Variants in AHNAK observed in about 807,000 individuals in gnomAD.
AHNAK encodes AHNAK nucleoprotein.
AHNAK carries 23 observed loss-of-function variants against 37.8 expected under a neutral mutation model. The ratio of observed to expected loss-of-function variants is 0.61; its 90% CI spans 0.44 to 0.86. AHNAK has a LOEUF of 0.86. Among genes scored for constraint, AHNAK ranks in the 40% least tolerant of loss-of-function variants. AHNAK has a pLI of 0.00. For missense variants in AHNAK, 7,411 were observed against 7,319.4 expected, an observed-to-expected ratio of 1.01 and a Z score of -0.46; for synonymous variants, 2,481 against 2,636.3, an observed-to-expected ratio of 0.94 and a Z score of 1.80.
Position 62,481,671 on chromosome 11 carries a change from G to A in AHNAK, c.442+10061C>T, listed in dbSNP as rs566835426. 1.9e-4 allele frequency among the ~76,000 whole-genome samples: 6 copies of A among 32,122 alleles called. No individual in the cohort carries two copies. In the East Asian group the frequency reaches 4.0e-3, roughly 21 times the overall value. The allele number at this position is 32,122 out of a possible 152,430, so 21.1% of individuals were successfully genotyped here. ...TGGCTCACTGCAAGCTCCGCCTCCC[G>A]GGTTTATGCCATTCTCCTGCCTCAG... On this transcript the variant is annotated intron_variant, in intron 5 of 5. Coordinates refer to the AHNAK transcript ENST00000257247.
intron 4 of AHNAK, among the ~76,000 whole-genome samples, chr11:62,499,223 T>A (rs1939669161): frequency 6.6e-6 from 1 of 152,126 alleles, no homozygotes; most frequent in South Asian, 2.1e-4. Context: ...ACCCATAGCA[T>A]CCGACTGGCC....
Position 62,524,696 on chromosome 11 carries a change from G to T in AHNAK, c.9721C>A (p.Leu3241Ile). 1 of 1,614,224 alleles carries T rather than the reference G, an allele frequency of 6.2e-7. No individual in the cohort carries two copies. Among genetic ancestry groups the T allele is most frequent in the Non-Finnish European group, 8.5e-7 (1 of 1,180,042 alleles). ...TTCAAATCACCTTCTACATTTGCAA[G>T]TGAAACATCCACCTCTCCTTTCATT... ...PKMKGEVDVSLANVEGDLKGP... is the reference protein window; with the variant it reads ...PKMKGEVDVSIANVEGDLKGP... Residue 3241 changes from leucine (L) to isoleucine (I), a missense_variant, in exon 5 of 5, where the codon CTT becomes ATT. Transcript: ENST00000378024.
chr11:62,529,451 G>T lies in AHNAK; in HGVS notation c.4966C>A (p.Pro1656Thr). The T allele has an allele frequency of 6.2e-7, 1 of 1,613,998 alleles. No individual in the cohort carries two copies. ...MHFKAPKISMPDVDLHLKGPK... is the reference protein window; with the variant it reads ...MHFKAPKISMTDVDLHLKGPK... ...CCTTTCAAGTGTAAGTCCACATCGG[G>T]CATGGAGATCTTGGGGGCCTTGAAA... Residue 1656 changes from proline (P) to threonine (T), a missense_variant, in exon 5 of 5, where the codon CCC becomes ACC. Transcript: ENST00000378024.
intron 4 of AHNAK, among the ~76,000 whole-genome samples, chr11:62,499,330 C>CCTGAGGT (rs2134172722): frequency 6.6e-6 from 1 of 152,274 alleles, no homozygotes; most frequent in Admixed American, 6.5e-5. Context: ...GGGTGGATCA[C>CCTGAGGT]CTGAGGTCGG....
At chr11:62,486,409 G>A (rs563669961) in intron 5 of AHNAK, among the ~76,000 whole-genome samples, 32 of 152,042 alleles carry the variant, frequency 2.1e-4, no homozygotes, top group African/African-American at 6.8e-4. Flanking sequence ...GGAGGCGGAC[G>A]TTGCGGTGAG....
In AHNAK at chr11:62,528,796, T is replaced by C. The variant is rs867984742; in HGVS notation, c.5621A>G (p.Asp1874Gly). The C allele has an allele frequency of 6.2e-7, 1 of 1,612,284 alleles. No individual in the cohort carries two copies. Among genetic ancestry groups the C allele is most frequent in the Non-Finnish European group, 8.5e-7 (1 of 1,179,548 alleles). The change falls in exon 5 of 5, where the codon GAT becomes GGT. Residue 1874 changes from aspartate to glycine, a missense_variant. Coordinates refer to ENST00000378024, the MANE Select transcript of AHNAK (RefSeq NM_001620.3). ...LKGPKVKGDA[D>G]VSVPKLEGDL... ...TCCCTCCAATTTTGGCACCGACACA[T>C]CCGCATCCCCTTTGACTTTGGGGCC... is the stretch of plus-strand genomic sequence containing the variant.
In AHNAK at chr11:62,528,636, C is replaced by T; in HGVS notation, c.5781G>A (p.Val1927=). ...FKAPKISMPD[V]DLHLKGPKVK... ...CTTTGGGGCCTTTCAAGTGTAAGTC[C>T]ACATCAGGCATGGAGATCTTGGGGG... The change falls in exon 5 of 5, where the codon GTG becomes GTA. Residue 1927 remains valine (V), a synonymous_variant. Transcript: ENST00000378024. 4 of 1,610,052 alleles carry T rather than the reference C, an allele frequency of 2.5e-6. No homozygotes were observed. Among genetic ancestry groups the T allele is most frequent in the Non-Finnish European group, 3.4e-6 (4 of 1,179,206 alleles).
rs1359673505 is a variant in AHNAK, at chr11:62,521,456, T to C, written c.12961A>G (p.Met4321Val). Residue 4321 changes from methionine (M) to valine (V), a missense_variant, in exon 5 of 5, where the codon ATG (methionine) becomes GTG (valine). Met to Val is a conservative substitution (Grantham distance 21, BLOSUM62 1). Coordinates refer to ENST00000378024, the MANE Select transcript of AHNAK (RefSeq NM_001620.3). The stretch of plus-strand genomic sequence containing the variant: ...AATCCTGGCATGCTGAATTTGGGCA[T>C]TTTCACCTTGGGCATCTTCAGGTGC... ...DWHLKMPKVK[M>V]PKFSMPGFKG... 6.2e-7 allele frequency: 1 copy of C among 1,613,242 alleles called. No homozygotes were observed.
In AHNAK at chr11:62,525,020, C is replaced by T. The variant is rs150868561; in HGVS notation, c.9397G>A (p.Asp3133Asn). Residue 3133 changes from aspartate (D) to asparagine (N), a missense_variant, in exon 5 of 5, where the codon GAT (aspartate) becomes AAT (asparagine). Physicochemically the swap from Asp to Asn is conservative, Grantham distance 23 (BLOSUM62 1). Coordinates refer to ENST00000378024, the MANE Select transcript of AHNAK (RefSeq NM_001620.3). ...PDVDIKGPKV[D>N]INAPDVDVQG... ...ACATCCACATCTGGGGCATTAATAT[C>T]CACTTTGGGGCCTTTAATATCCACG... 5.5e-5 allele frequency: 89 copies of T among 1,613,154 alleles called. No homozygotes were observed. The African/African-American group carries it at 1.1e-3, about 20-fold the overall frequency.
Position 62,522,647 on chromosome 11 carries a change from G to A in AHNAK, c.11770C>T (p.Arg3924Ter), listed in dbSNP as rs866059259. The A allele has an allele frequency of 1.2e-6, 2 of 1,612,934 alleles. No homozygotes were observed. The highest frequency in any genetic ancestry group is 1.1e-5 in the South Asian group (1 of 91,028). ...ATCTTCAGGTGCCAGTCTGGGCCTC[G>A]AACATCCACATCTGGGGCATTAATA... Reference protein sequence around the residue: ...VDINAPDVDVRGPDWHLKMPK... With the variant: ...VDINAPDVDV The change falls in exon 5 of 5, where the codon CGA becomes TGA. Residue 3924 changes from arginine (R) to a stop codon, truncating the protein, a stop_gained. Transcript: ENST00000378024. LOFTEE classifies it low-confidence loss of function (END_TRUNC).
chr11:62,470,185 C>T (rs967486489), intron 5 of AHNAK, among the ~76,000 whole-genome samples: 4 of 152,188 alleles, frequency 2.6e-5, no homozygotes, highest in South Asian at 2.1e-4. Flanking sequence ...CAGTGGCTCA[C>T]GCCTGTAATC....
At chr11:62,472,644 A>G (rs12278769) in intron 5 of AHNAK, among the ~76,000 whole-genome samples, 14,291 of 152,042 alleles carry the variant, frequency 0.094, 2,252 homozygotes, top group African/African-American at 0.33. Context: ...ATCCTCTCCT[A>G]TAAATTCTCA....
chr11:62,527,475 C>G lies in AHNAK; in HGVS notation c.6942G>C (p.Met2314Ile), dbSNP rs762369475. Residue 2314 changes from methionine (M) to isoleucine (I), a missense_variant, in exon 5 of 5, where the codon ATG becomes ATC. Met to Ile is a conservative substitution (Grantham distance 10). Transcript: ENST00000378024. Reference sequence around the variant, plus strand: ...CCTTTAAATTGAAATCAACATCAGGCATGGAGATCTTGGGGGTCTTGAAGT... The same window carrying G: ...CCTTTAAATTGAAATCAACATCAGGGATGGAGATCTTGGGGGTCTTGAAGT... Reference protein sequence around the residue: ...EMHFKTPKISMPDVDFNLKGP... With the variant: ...EMHFKTPKISIPDVDFNLKGP... 1.2e-6 allele frequency: 2 copies of G among 1,614,174 alleles called. No individual in the cohort carries two copies. Among genetic ancestry groups the G allele is most frequent in the Admixed American group, 1.7e-5 (1 of 60,024 alleles).
Position 62,518,992 on chromosome 11 carries a change from T to C in AHNAK, c.15425A>G (p.Lys5142Arg), listed in dbSNP as rs1466208642. The change falls in exon 5 of 5, where the codon AAG becomes AGG. Residue 5142 changes from lysine to arginine, a missense_variant. Lys to Arg is a conservative substitution (Grantham distance 26, BLOSUM62 2). Coordinates refer to ENST00000378024, the MANE Select transcript of AHNAK (RefSeq NM_001620.3). The stretch of plus-strand genomic sequence containing the variant: ...GATGTCCACATCTGGCATCTTGACC[T>C]TGGGAGCCTTCGCCTTGATGTCAAG... ...EGLDIKAKAP[K>R]VKMPDVDISV... 1.2e-6 allele frequency: 2 copies of C among 1,614,062 alleles called. No homozygotes were observed. Among genetic ancestry groups the C allele is most frequent in the African/African-American group, 2.7e-5 (2 of 74,934 alleles).
chr11:62,516,273 TGAACA>T lies in AHNAK; in HGVS notation c.*466_*470del. 1 of 1,289,314 alleles carries T rather than the reference TGAACA, an allele frequency of 7.8e-7. No individual in the cohort carries two copies. The highest frequency in any genetic ancestry group is 1.0e-6 in the Non-Finnish European group (1 of 988,772). 79.9% of individuals were successfully genotyped at this position (1,289,314 alleles called of 1,614,324 possible). A position where few individuals can be genotyped will look rare whatever the true frequency, so the allele number is the denominator to read the frequency against. ...GGGCCATCTGTGGGCGTTTGCTGTT[TGAACA>T]GATCCAGTCTCAGGAAAGAGGAAGA... On this transcript the variant is annotated 3_prime_UTR_variant, in exon 5 of 5. Coordinates refer to ENST00000378024, the MANE Select transcript of AHNAK (RefSeq NM_001620.3).
intron 5 of AHNAK, among the ~76,000 whole-genome samples, chr11:62,473,609 T>C (rs1299218365): frequency 2.0e-5 from 3 of 151,128 alleles, no homozygotes; most frequent in Non-Finnish European, 4.4e-5. Context: ...GGCGTGAACC[T>C]GGGAGGCAGA....
At chr11:62,455,323 C>T (rs538411963) in intron 5 of AHNAK, among the ~76,000 whole-genome samples, 1 of 152,130 alleles carries the variant, frequency 6.6e-6, no homozygotes, top group Non-Finnish European at 1.5e-5. Context: ...TTAAGAGAGT[C>T]TCCTGATCCC....
Position 62,519,687 on chromosome 11 carries a change from C to G in AHNAK, c.14730G>C (p.Glu4910Asp). 6.2e-7 allele frequency: 1 copy of G among 1,614,032 alleles called. No individual in the cohort carries two copies. The highest frequency in any genetic ancestry group is 1.1e-5 in the South Asian group (1 of 91,042). ...SGPSLKMPSL[E>D]ISAPKVTAPD... is the part of the protein sequence containing the mutation. Reference sequence around the variant, plus strand: ...GAGCAGTTACTTTAGGAGCAGATATCTCCAGCGATGGCATCTTCAAAGATG... The same window carrying G: ...GAGCAGTTACTTTAGGAGCAGATATGTCCAGCGATGGCATCTTCAAAGATG... Residue 4910 changes from glutamate to aspartate, a missense_variant, in exon 5 of 5, where the codon GAG becomes GAC. By Grantham distance (45) the Glu-to-Asp change is conservative. Transcript: ENST00000378024.
intron 4 of AHNAK, among the ~76,000 whole-genome samples, chr11:62,510,217 G>T (rs1389644788): frequency 6.6e-6 from 1 of 151,514 alleles, no homozygotes; most frequent in Non-Finnish European, 1.5e-5. Flanking sequence ...CTAATTTTTT[G>T]TATTTTTAGT....
Sources: allele counts gnomAD v4.1 joint callset (sites outside exome capture counted in the v4.1 genomes callset), GRCh38; gene constraint gnomAD v4.1.1; transcripts MANE v1.5; gene names NCBI Gene and HGNC (gene_info 2026-07-23, HGNC 2026-07-21).